The following ADAMTS9 variants were observed in gnomAD, a reference collection of about 807,000 sequenced individuals.
The protein encoded by ADAMTS9 is A disintegrin and metalloproteinase with thrombospondin motifs 9.
In ADAMTS9, 107 loss-of-function variants were observed where a neutral mutation model predicts 257.1. The observed-to-expected ratio is 0.42, with a 90% CI of 0.36 to 0.49. The LOEUF is 0.49. ADAMTS9 is among the 20% of genes least tolerant of loss of function. ADAMTS9 has a pLI of 0.03. For synonymous variants in ADAMTS9, 982 were observed against 880.9 expected, an observed-to-expected ratio of 1.11 and a Z score of -2.03; for missense variants, 2,353 against 2,469.1, an observed-to-expected ratio of 0.95 and a Z score of 1.00.
rs530874407 is a variant in ADAMTS9, at chr3:64,648,631, TA to T, written c.1606-588del. ...AAAAGTTGCACAAGTATTAAAAGTTTATTTTTTTAAATAGAAAAAGTTTCAA... is the reference window on the plus strand; with the variant it reads ...AAAAGTTGCACAAGTATTAAAAGTTTTTTTTTTAAATAGAAAAAGTTTCAA... On this transcript the variant is annotated intron_variant, in intron 10 of 39. Transcript: ENST00000498707. Among the ~76,000 whole-genome samples, 15 of 152,346 alleles carry T rather than the reference TA, an allele frequency of 9.8e-5. No homozygotes were observed. In the East Asian group the frequency reaches 2.9e-3, roughly 29 times the overall value.
rs779824220 is a variant in ADAMTS9, at chr3:64,686,966, T to C, written c.118A>G (p.Lys40Glu). ...TATTCGCTCAGGGTCTCTAATAATT[T>C]CACTGCGGAGAGAAGCAGAGGTATA... The part of the protein sequence containing the change: ...RKDRLHPRQV[K>E]LLETLSEYEI... Residue 40 changes from lysine (K) to glutamate (E), a missense_variant and splice_region_variant, in exon 2 of 40, where the codon AAA becomes GAA. Coordinates refer to ENST00000498707, the MANE Select transcript of ADAMTS9 (RefSeq NM_182920.2). This position sits in a 1 kb window ranked among gnomAD's most constrained non-coding sequence, Gnocchi z 4.6. 6.2e-7 allele frequency: 1 copy of C among 1,612,860 alleles called. No homozygotes were observed. Among genetic ancestry groups the C allele is most frequent in the Non-Finnish European group, 8.5e-7 (1 of 1,179,224 alleles).
chr3:64,523,399 T>C (rs1301280286), intron 38 of ADAMTS9, among the ~76,000 whole-genome samples: 3 of 152,160 alleles, frequency 2.0e-5, no homozygotes, highest in African/African-American at 7.2e-5. Flanking sequence ...GTGGAACTAG[T>C]GGAATAGTGG....
At position 64,541,612 on chromosome 3, in the gene ADAMTS9, G is replaced by A. The variant is rs552717987; in HGVS notation, c.5206C>T (p.Pro1736Ser). ...CTTTTTACCTCCTTGCAATTCTGGG[G>A]TAACTCACCTAGAAAACACCAATCA... is the stretch of plus-strand genomic sequence containing the variant. ...TCRNVYNCEL[P>S]QNCKEVKRLK... Residue 1736 changes from proline (P) to serine (S), a missense_variant, in exon 34 of 40, where the codon CCC becomes TCC. Coordinates refer to ENST00000498707, the MANE Select transcript of ADAMTS9 (RefSeq NM_182920.2). 4 of 1,613,436 alleles carry A rather than the reference G, an allele frequency of 2.5e-6. No individual in the cohort carries two copies. The highest frequency in any genetic ancestry group is 1.3e-5 in the African/African-American group (1 of 74,980).
In ADAMTS9 at chr3:64,522,219, T is replaced by C. The variant is rs17070909; in HGVS notation, c.5760A>G (p.Gly1920=). 4,769 of 1,614,062 alleles carry C rather than the reference T, an allele frequency of 3.0e-3. 109 individuals are homozygous for C. The African/African-American group carries it at 0.053, about 18-fold the overall frequency. The change falls in exon 39 of 40, where the codon GGA becomes GGG. Residue 1920 remains glycine, a synonymous_variant. Coordinates refer to ENST00000498707, the MANE Select transcript of ADAMTS9 (RefSeq NM_182920.2). ...CAGTACCAGAGGATGGAGTGCATTT[T>C]CCACAGTAACCACCGCATTTCCCTA... is the stretch of plus-strand genomic sequence containing the variant. ...RVVGKCGGYC[G]KCTPSSGTGL...
intron 28 of ADAMTS9, among the ~76,000 whole-genome samples, chr3:64,585,030 TGAGTAG>T (rs142916861): frequency 1.2e-3 from 190 of 152,296 alleles, no homozygotes; most frequent in African/African-American, 4.4e-3. Flanking sequence ...GTTCAGCACC[TGAGTAG>T]CTGAGCTCAT....
intron 28 of ADAMTS9, among the ~76,000 whole-genome samples, chr3:64,571,235 T>A (rs546235397): frequency 2.0e-5 from 3 of 152,352 alleles, no homozygotes; most frequent in African/African-American, 7.2e-5. Context: ...AGACTTTATA[T>A]GCATCATCTA....
chr3:64,567,645 T>C (rs1340377296), intron 29 of ADAMTS9, among the ~76,000 whole-genome samples: 4 of 151,656 alleles, frequency 2.6e-5, no homozygotes, highest in Non-Finnish European at 5.9e-5. Context: ...GACTAGCTTA[T>C]GAAATGTTTA....
At chr3:64,626,519 T>C (rs752751841) in intron 16 of ADAMTS9, among the ~76,000 whole-genome samples, 7 of 152,134 alleles carry the variant, frequency 4.6e-5, no homozygotes, top group Non-Finnish European at 5.9e-5. Flanking sequence ...TTTTGACTAA[T>C]AGACATTGGA....
At chr3:64,562,923 T>C (rs568178263) in intron 29 of ADAMTS9, 15 of 152,342 alleles carry the variant, frequency 9.8e-5, no homozygotes, top group African/African-American at 3.6e-4. Flanking sequence ...CAGGTAACGA[T>C]ATTTAGAAGG....
chr3:64,598,094 C>G (rs1256613400), intron 26 of ADAMTS9, among the ~76,000 whole-genome samples: 1 of 152,092 alleles, frequency 6.6e-6, no homozygotes, highest in Admixed American at 6.6e-5. Flanking sequence ...TTGAACTGGA[C>G]CACTGTTAAT....
At chr3:64,610,104 A>G (rs1052200507) in intron 22 of ADAMTS9, among the ~76,000 whole-genome samples, 2 of 152,234 alleles carry the variant, frequency 1.3e-5, no homozygotes, top group Admixed American at 1.3e-4. Context: ...TATGCTATAT[A>G]CAATAATTAA....
intron 3 of ADAMTS9, among the ~76,000 whole-genome samples, chr3:64,679,687 C>A (rs1701705668): frequency 6.6e-6 from 1 of 152,116 alleles, no homozygotes; most frequent in South Asian, 2.1e-4. Flanking sequence ...AGGGGAACTG[C>A]AGATTTCATT....
intron 11 of ADAMTS9, 27 bp downstream of exon 11, chr3:64,647,913 A>C (rs1700836663): frequency 1.9e-6 from 3 of 1,596,992 alleles, no homozygotes; most frequent in Non-Finnish European, 2.6e-6. Flanking sequence ...GCCCTAAGAC[A>C]GAAGGACAGA....
rs531614214 is a variant in ADAMTS9, at chr3:64,670,893, G to A, written c.679+10308C>T. On this transcript the variant is annotated intron_variant, in intron 3 of 39. Coordinates refer to ENST00000498707, the MANE Select transcript of ADAMTS9 (RefSeq NM_182920.2). ...AACAACAAAATGTTGACAATACCAA[G>A]TGCTGGAAAGGATGCAGAGGAACTG... 1.1e-4 allele frequency among the ~76,000 whole-genome samples: 16 copies of A among 152,304 alleles called. No individual in the cohort carries two copies. The South Asian group carries it at 3.3e-3, about 32-fold the overall frequency.
intron 12 of ADAMTS9, among the ~76,000 whole-genome samples, chr3:64,634,627 T>C (rs1576143257): frequency 2.0e-5 from 3 of 152,304 alleles, no homozygotes; most frequent in East Asian, 3.9e-4. Flanking sequence ...GAGTAAATTA[T>C]ACAACACATC....
In ADAMTS9 at chr3:64,522,273, G is replaced by T; in HGVS notation, c.5719-13C>A. ...CTCGGGTACCATCCTGCAAGGAGAT[G>T]CATCATGTTAGCCTGCCTGCTTGGT... On this transcript the variant is annotated splice_polypyrimidine_tract_variant and intron_variant, in intron 38 of 39. Coordinates refer to ENST00000498707, the MANE Select transcript of ADAMTS9 (RefSeq NM_182920.2). The T allele has an allele frequency of 1.2e-6, 2 of 1,612,682 alleles. No homozygotes were observed. The highest frequency in any genetic ancestry group is 2.2e-5 in the South Asian group (2 of 91,048).
chr3:64,677,751 A>G (rs1480673073), intron 3 of ADAMTS9, among the ~76,000 whole-genome samples: 1 of 152,166 alleles, frequency 6.6e-6, no homozygotes, highest in Non-Finnish European at 1.5e-5. Flanking sequence ...TCCTCACTTT[A>G]TATTCTAAAG....
In ADAMTS9 at chr3:64,519,251, GT is replaced by G. The variant is rs561508117; in HGVS notation, c.*6-2131del. 2.0e-4 allele frequency among the ~76,000 whole-genome samples: 31 copies of G among 152,300 alleles called. No homozygotes were observed. The East Asian group carries it at 5.8e-3, about 29-fold the overall frequency. ...GGATGTATTTCTCAAAGGATGAGCTGTGATTCACTTGCATTAGAATTCTCTG... is the reference window on the plus strand; with the variant it reads ...GGATGTATTTCTCAAAGGATGAGCTGGATTCACTTGCATTAGAATTCTCTG... On this transcript the variant is annotated intron_variant, in intron 39 of 39. Transcript: ENST00000498707.
chr3:64,604,521 T>C (rs2084524594), intron 23 of ADAMTS9, among the ~76,000 whole-genome samples, 190 bp from the exon 24 acceptor site: 2 of 152,202 alleles, frequency 1.3e-5, no homozygotes, highest in Admixed American at 6.5e-5. Context: ...ATAATCTTAG[T>C]CCTTTTGTGG....
Sources: gnomAD v4.1 joint callset for allele counts (sites outside exome capture counted in the v4.1 genomes callset) on GRCh38, gnomAD v4.1.1 for gene constraint, Gnocchi (gnomAD v3.1) non-coding constraint, MANE v1.5 for transcripts, NCBI Gene and HGNC (gene_info 2026-07-23, HGNC 2026-07-21) for gene names.